The following COL5A2 variants were observed in gnomAD, a reference collection of about 807,000 sequenced individuals.
COL5A2 encodes the protein collagen type V alpha 2 chain.
COL5A2 carries 23 observed loss-of-function variants against 208.2 expected under a neutral mutation model. The observed-to-expected ratio is 0.11, with a 90% CI of 0.08 to 0.16. The LOEUF (loss-of-function observed/expected upper bound fraction) is 0.16. Among genes scored for constraint, COL5A2 ranks in the 10% least tolerant of loss-of-function variants. The pLI is 1.00. For synonymous variants in COL5A2, 625 were observed against 628.5 expected, an observed-to-expected ratio of 0.99 and a Z score of 0.08; for missense variants, 1,590 against 1,956.4, an observed-to-expected ratio of 0.81 and a Z score of 3.53.
intron 1 of COL5A2, among the ~76,000 whole-genome samples, chr2:189,136,489 C>A (rs949340692): frequency 1.5e-5 from 2 of 137,924 alleles, no homozygotes; most frequent in Middle Eastern, 6.7e-3. Flanking sequence ...TCACATTTGG[C>A]ATCTGTATAT....
chr2:189,260,319 C>T, the COL5A2 span, among the ~76,000 whole-genome samples: 8 of 152,312 alleles, frequency 5.3e-5, no homozygotes, highest in South Asian at 1.7e-3. Context: ...CCTAGGAGTA[C>T]AGTGCCTGCA....
chr2:189,333,168 T>A, the COL5A2 span, among the ~76,000 whole-genome samples: 1 of 151,692 alleles, frequency 6.6e-6, no homozygotes, highest in Non-Finnish European at 1.5e-5. Flanking sequence ...GAAGAATAAA[T>A]TAGAACCAAA....
the COL5A2 span, among the ~76,000 whole-genome samples, chr2:189,236,002 T>TAA: frequency 2.2e-5 from 3 of 137,910 alleles, no homozygotes; most frequent in Admixed American, 7.3e-5. Flanking sequence ...CATCCCCCAA[T>TAA]AAAAAAAAAA....
At chr2:189,379,988 T>C in the COL5A2 span, among the ~76,000 whole-genome samples, 1 of 152,100 alleles carries the variant, frequency 6.6e-6, no homozygotes, top group Non-Finnish European at 1.5e-5. Flanking sequence ...GCACTGGTTG[T>C]TTGTGGGTTT....
chr2:189,181,742 T>A (rs1339028962), upstream of COL5A2, among the ~76,000 whole-genome samples: 1 of 152,236 alleles, frequency 6.6e-6, no homozygotes, highest in Non-Finnish European at 1.5e-5. Flanking sequence ...AGTCAGTGTA[T>A]GGAACACTCA....
the COL5A2 span, among the ~76,000 whole-genome samples, chr2:189,286,038 G>A: frequency 1.3e-5 from 2 of 151,620 alleles, no homozygotes; most frequent in Non-Finnish European, 2.9e-5. Flanking sequence ...TTGAAATTAA[G>A]TGCCTGGATT....
the COL5A2 span, among the ~76,000 whole-genome samples, chr2:189,290,433 G>A: frequency 6.6e-6 from 1 of 152,166 alleles, no homozygotes; most frequent in Non-Finnish European, 1.5e-5. Context: ...GCAGCCAAAG[G>A]AGCATTTGCT....
At chr2:189,170,303 A>AT (rs1392584478) in intron 1 of COL5A2, among the ~76,000 whole-genome samples, 1 of 152,218 alleles carries the variant, frequency 6.6e-6, no homozygotes, top group African/African-American at 2.4e-5. Flanking sequence ...ATTTTCACAA[A>AT]TAGTACTCAA....
chr2:189,121,144 A>G (rs898849474), intron 1 of COL5A2, among the ~76,000 whole-genome samples: 3 of 152,182 alleles, frequency 2.0e-5, no homozygotes, highest in Non-Finnish European at 2.9e-5. Context: ...GCTGGAGGTC[A>G]GAGAAGTCAA....
chr2:189,344,175 A>G, the COL5A2 span, among the ~76,000 whole-genome samples: 2 of 152,236 alleles, frequency 1.3e-5, no homozygotes, highest in Non-Finnish European at 2.9e-5. Context: ...GCCATGAGAT[A>G]GCAATAAAAA....
At chr2:189,037,890 TAAGC>T (rs1685475118) in intron 51 of COL5A2, among the ~76,000 whole-genome samples, 1 of 152,196 alleles carries the variant, frequency 6.6e-6, no homozygotes, top group East Asian at 1.9e-4. Context: ...GAACAATACT[TAAGC>T]AAGCATTTTC....
chr2:189,298,168 G>A, the COL5A2 span, among the ~76,000 whole-genome samples: 1 of 152,086 alleles, frequency 6.6e-6, no homozygotes, highest in Non-Finnish European at 1.5e-5. Flanking sequence ...ATGGGTTGAG[G>A]GTAGGGAAAA....
At chr2:189,144,510 G>A (rs1018572362) in intron 1 of COL5A2, among the ~76,000 whole-genome samples, 1 of 139,252 alleles carries the variant, frequency 7.2e-6, no homozygotes, top group African/African-American at 2.6e-5. Flanking sequence ...GAATGAGTGA[G>A]AACAAACAAA....
At chr2:189,202,283 C>T (rs1053464261) in intron 1 of COL5A2, among the ~76,000 whole-genome samples, 2 of 151,864 alleles carry the variant, frequency 1.3e-5, no homozygotes, top group South Asian at 4.2e-4. Context: ...TAGAATAAAT[C>T]AAAAGAATAA....
upstream of COL5A2, among the ~76,000 whole-genome samples, chr2:189,228,577 T>A (rs1328829541): frequency 6.6e-6 from 1 of 151,756 alleles, no homozygotes; most frequent in Non-Finnish European, 1.5e-5. Flanking sequence ...ATGGATAAAT[T>A]CCTAGAAACA....
At chr2:189,103,815 G>A (rs1044500123) in intron 3 of COL5A2, among the ~76,000 whole-genome samples, 2 of 151,958 alleles carry the variant, frequency 1.3e-5, no homozygotes, top group Non-Finnish European at 2.9e-5. Flanking sequence ...CAATGAGAGA[G>A]GGGCTACAGG....
chr2:189,051,071 C>A (rs151073188), intron 42 of COL5A2, among the ~76,000 whole-genome samples: 31 of 152,074 alleles, frequency 2.0e-4, no homozygotes, highest in African/African-American at 7.5e-4. Flanking sequence ...TAAAGTTATT[C>A]ATACACAATG....
the COL5A2 span, among the ~76,000 whole-genome samples, chr2:189,238,448 A>G: frequency 1.3e-5 from 2 of 152,178 alleles, no homozygotes; most frequent in Non-Finnish European, 2.9e-5. Flanking sequence ...AAACAGAACT[A>G]GAATATTTGT....
At chr2:189,097,521 A>G (rs181409076) in intron 5 of COL5A2, 191 bp from the exon 6 acceptor site, 13 of 697,078 alleles carry the variant, frequency 1.9e-5, no homozygotes, top group Admixed American at 1.7e-4. Context: ...TTATGTTATC[A>G]GTGACATTTA....
Sources: allele counts gnomAD v4.1 joint callset (sites outside exome capture counted in the v4.1 genomes callset), GRCh38; gene constraint gnomAD v4.1.1; transcripts MANE v1.5; gene names NCBI Gene and HGNC (gene_info 2026-07-23, HGNC 2026-07-21).